MYL12B: variants seen among roughly 807,000 people sequenced by gnomAD.
The protein encoded by MYL12B is myosin regulatory light chain 12B.
Under a neutral mutation model 12.9 loss-of-function variants are expected in MYL12B, and 3 were observed. The observed-to-expected ratio is 0.23, with a 90% CI of 0.11 to 0.60. MYL12B has a LOEUF of 0.60. MYL12B is among the 20% of genes least tolerant of loss of function. The pLI, the probability that MYL12B is intolerant of heterozygous loss-of-function variation, is 0.89. For missense variants in MYL12B, 120 were observed against 215.4 expected, an observed-to-expected ratio of 0.56 and a Z score of 2.77; for synonymous variants, 57 against 71.9, an observed-to-expected ratio of 0.79 and a Z score of 1.05.
At chr18:3,269,724 G>T (rs2081662136) in intron 1 of MYL12B, among the ~76,000 whole-genome samples, 1 of 152,110 alleles carries the variant, frequency 6.6e-6, no homozygotes, top group African/African-American at 2.4e-5. Context: ...AGACTGAAAA[G>T]AACTTTAAAC....
At chr18:3,268,935 A>G (rs1241694105) in intron 1 of MYL12B, among the ~76,000 whole-genome samples, 1 of 152,208 alleles carries the variant, frequency 6.6e-6, no homozygotes, top group Non-Finnish European at 1.5e-5. Flanking sequence ...AAATGGTAGT[A>G]GCTGTAAGTT....
chr18:3,269,108 G>A (rs2081657021), intron 1 of MYL12B, among the ~76,000 whole-genome samples: 1 of 152,196 alleles, frequency 6.6e-6, no homozygotes, highest in Non-Finnish European at 1.5e-5. Flanking sequence ...ACAAAGCAGG[G>A]AATGGCTAGA....
At chr18:3,273,143 C>A (rs937734310) in intron 2 of MYL12B, 61 bp downstream of exon 2, 2 of 1,463,146 alleles carry the variant, frequency 1.4e-6, no homozygotes, top group Non-Finnish European at 1.8e-6. Flanking sequence ...CTTTATGAAT[C>A]TTTTTTTTGT....
chr18:3,276,687 T>A, intron 2 of MYL12B: 1 of 514,990 alleles, frequency 1.9e-6, no homozygotes. Flanking sequence ...ATATTTAGAT[T>A]TTTTTGTATG....
At chr18:3,276,595 T>C in intron 2 of MYL12B, 1 of 983,270 alleles carries the variant, frequency 1.0e-6, no homozygotes, top group Non-Finnish European at 1.2e-6. Context: ...ATGCTAATAG[T>C]TTAAACTTAA....
chr18:3,277,413 A>G lies in MYL12B; in HGVS notation c.345A>G (p.Thr115=). The G allele has an allele frequency of 6.2e-7, 1 of 1,613,980 alleles. No individual in the cohort carries two copies. Among genetic ancestry groups the G allele is most frequent in the Non-Finnish European group, 8.5e-7 (1 of 1,179,936 alleles). ...NAFACFDEEA[T]GTIQEDYLRE... ...TTGCTTGCTTTGATGAAGAAGCAACAGGTGAGTGCTATTTGTTTATGCCCA... is the reference window on the plus strand; with the variant it reads ...TTGCTTGCTTTGATGAAGAAGCAACGGGTGAGTGCTATTTGTTTATGCCCA... Residue 115 remains threonine, a splice_region_variant and synonymous_variant, in exon 3 of 4, where the codon ACA becomes ACG. Coordinates refer to ENST00000237500, the MANE Select transcript of MYL12B (RefSeq NM_033546.4).
At chr18:3,271,882 A>G (rs2081682006) in intron 1 of MYL12B, among the ~76,000 whole-genome samples, 1 of 151,856 alleles carries the variant, frequency 6.6e-6, no homozygotes, top group African/African-American at 2.4e-5. Flanking sequence ...CCAAAGCCAT[A>G]TTACGGAGAA....
chr18:3,272,883 G>T lies in MYL12B; in HGVS notation c.-15-1G>T. ...GTTTTTGTGTTTTTTTTTTAATCCA[G>T]AATTAAACAACCACCATGTCGAGCA... On this transcript the variant is annotated splice_acceptor_variant, in intron 1 of 3. Transcript: ENST00000237500. LOFTEE classifies it low-confidence loss of function (5UTR_SPLICE). 1 of 1,543,824 alleles carries T rather than the reference G, an allele frequency of 6.5e-7. No homozygotes were observed. The highest frequency in any genetic ancestry group is 1.3e-5 in the South Asian group (1 of 79,980).
At chr18:3,271,410 G>C (rs1050065345) in intron 1 of MYL12B, among the ~76,000 whole-genome samples, 4 of 152,148 alleles carry the variant, frequency 2.6e-5, no homozygotes, top group Non-Finnish European at 5.9e-5. Context: ...ATGTTCTTTA[G>C]CTTGAATAAA....
In MYL12B at chr18:3,277,298, C is replaced by T. The variant is rs1452780295; in HGVS notation, c.230C>T (p.Ala77Val). Residue 77 changes from alanine (A) to valine (V), a missense_variant, in exon 3 of 4, where the codon GCC (alanine) becomes GTC (valine). Coordinates refer to ENST00000237500, the MANE Select transcript of MYL12B (RefSeq NM_033546.4). ...TACCTTGATGCCATGATGAATGAGGCCCCAGGGCCCATCAATTTCACCATG... is the reference window on the plus strand; with the variant it reads ...TACCTTGATGCCATGATGAATGAGGTCCCAGGGCCCATCAATTTCACCATG... ...DAYLDAMMNE[A>V]PGPINFTMFL... The T allele has an allele frequency of 1.2e-6, 2 of 1,613,778 alleles. No individual in the cohort carries two copies. The highest frequency in any genetic ancestry group is 3.3e-5 in the Admixed American group (2 of 59,994).
chr18:3,265,753 G>A (rs910334071), intron 1 of MYL12B, among the ~76,000 whole-genome samples: 4 of 152,140 alleles, frequency 2.6e-5, no homozygotes, highest in Non-Finnish European at 5.9e-5. Context: ...TAGAAAGCAG[G>A]AATAACTAGC....
At position 3,277,400 on chromosome 18, in the gene MYL12B, A is replaced by C. The variant is rs1463435071; in HGVS notation, c.332A>C (p.Asp111Ala). Residue 111 changes from aspartate (D) to alanine (A), a missense_variant, in exon 3 of 4, where the codon GAT becomes GCT. Coordinates refer to ENST00000237500, the MANE Select transcript of MYL12B (RefSeq NM_033546.4). Reference sequence around the variant, plus strand: ...ATCAGAAACGCCTTTGCTTGCTTTGATGAAGAAGCAACAGGTGAGTGCTAT... The same window carrying C: ...ATCAGAAACGCCTTTGCTTGCTTTGCTGAAGAAGCAACAGGTGAGTGCTAT... ...DVIRNAFACF[D>A]EEATGTIQED... is the part of the protein sequence containing the mutation. 2.5e-6 allele frequency: 4 copies of C among 1,614,116 alleles called. No individual in the cohort carries two copies. The highest frequency in any genetic ancestry group is 3.4e-6 in the Non-Finnish European group (4 of 1,179,982).
At chr18:3,272,155 A>AC in intron 1 of MYL12B, 1 of 872,448 alleles carries the variant, frequency 1.1e-6, no homozygotes, top group Non-Finnish European at 1.3e-6. Flanking sequence ...GATATTTATA[A>AC]AGATGAGACC....
intron 2 of MYL12B, chr18:3,276,924 A>C: frequency 1.1e-6 from 1 of 898,338 alleles, no homozygotes; most frequent in Non-Finnish European, 1.3e-6. Flanking sequence ...TAGTCCAAAA[A>C]AAAAAAAAAA....
intron 1 of MYL12B, chr18:3,263,061 T>G (rs1365514217): frequency 6.6e-6 from 1 of 152,224 alleles, no homozygotes. Context: ...TTGTGTCCTG[T>G]GAAAAGCAGG....
chr18:3,277,283 C>T lies in MYL12B; in HGVS notation c.215C>T (p.Ala72Val). ...GKNPTDAYLDAMMNEAPGPIN... is the reference protein window; with the variant it reads ...GKNPTDAYLDVMMNEAPGPIN... ...AATCCCACTGATGCATACCTTGATG[C>T]CATGATGAATGAGGCCCCAGGGCCC... Residue 72 changes from alanine to valine, a missense_variant, in exon 3 of 4, where the codon GCC becomes GTC. Physicochemically the swap from Ala to Val is moderately conservative, Grantham distance 64 (BLOSUM62 0). Coordinates refer to ENST00000237500, the MANE Select transcript of MYL12B (RefSeq NM_033546.4). The T allele has an allele frequency of 6.2e-7, 1 of 1,612,308 alleles. No homozygotes were observed. Among genetic ancestry groups the T allele is most frequent in the East Asian group, 2.2e-5 (1 of 44,828 alleles).
At chr18:3,273,192 T>G (rs2081696584) in intron 2 of MYL12B, 110 bp downstream of exon 2, 1 of 1,229,058 alleles carries the variant, frequency 8.1e-7, no homozygotes, top group African/African-American at 1.5e-5. Flanking sequence ...TCAAAAGGCC[T>G]CTGGAGAGAT....
At chr18:3,272,246 T>TGG (rs1555635982) in intron 1 of MYL12B, 4 of 78,104 alleles carry the variant, frequency 5.1e-5, no homozygotes, top group Non-Finnish European at 5.7e-5. Flanking sequence ...GTTTTACTGA[T>TGG]GAAAAATTGA....
intron 1 of MYL12B, among the ~76,000 whole-genome samples, chr18:3,269,125 G>T (rs2081657198): frequency 6.6e-6 from 1 of 152,172 alleles, no homozygotes. Flanking sequence ...TAGAGAGGAG[G>T]CTGGAAAGGT....
Sources: gnomAD v4.1 joint callset for allele counts (sites outside exome capture counted in the v4.1 genomes callset) on GRCh38, gnomAD v4.1.1 for gene constraint, MANE v1.5 for transcripts, NCBI Gene and HGNC (gene_info 2026-07-23, HGNC 2026-07-21) for gene names.